RGS6: variants seen among roughly 807,000 people sequenced by gnomAD.
RGS6 encodes the protein regulator of G protein signaling 6, also known as regulator of G-protein signaling 6.
In RGS6, 30 loss-of-function variants were observed where a neutral mutation model predicts 78.5. The ratio of observed to expected loss-of-function variants is 0.38; its 90% CI spans 0.29 to 0.52. The LOEUF (loss-of-function observed/expected upper bound fraction) is 0.52. Ranked by LOEUF, RGS6 falls within the 20% of genes least tolerant of loss-of-function variation. RGS6 has a pLI of 0.85. For missense variants in RGS6, 495 were observed against 609.7 expected (o/e 0.81, Z 1.98); for synonymous variants, 206 against 206.0 (o/e 1.00, Z 0.00).
At chr14:72,220,707 C>G (rs954695660) in intron 2 of RGS6, among the ~76,000 whole-genome samples, 2 of 152,146 alleles carry the variant, frequency 1.3e-5, no homozygotes, top group East Asian at 1.9e-4. Context: ...ATTATTGCCT[C>G]AATGTAGTCT....
chr14:72,610,802 A>G, the RGS6 span, among the ~76,000 whole-genome samples: 1 of 152,170 alleles, frequency 6.6e-6, no homozygotes, highest in African/African-American at 2.4e-5. Flanking sequence ...CTGAGGGCTC[A>G]GGGCCCACCA....
intron 3 of RGS6, among the ~76,000 whole-genome samples, chr14:72,445,977 G>T (rs1479583794): frequency 2.0e-5 from 3 of 152,222 alleles, no homozygotes; most frequent in Middle Eastern, 3.4e-3. Flanking sequence ...GGGAAATTTG[G>T]GCCAGTCATC....
the RGS6 span, among the ~76,000 whole-genome samples, chr14:72,612,206 G>A: frequency 1.1e-4 from 17 of 152,104 alleles, no homozygotes; most frequent in Non-Finnish European, 2.4e-4. Flanking sequence ...TCCCTTTCCT[G>A]GCCAGAGGAG....
chr14:72,233,223 CGAGTTCCCTATCATTG>C (rs1415721328), intron 2 of RGS6, among the ~76,000 whole-genome samples: 4 of 152,130 alleles, frequency 2.6e-5, no homozygotes, highest in Non-Finnish European at 5.9e-5. Context: ...TGTAGAGAAG[CGAGTTCCCTATCATTG>C]GAGGTATCTA....
intron 2 of RGS6, among the ~76,000 whole-genome samples, chr14:72,059,860 C>T (rs1029674765): frequency 6.6e-6 from 1 of 152,180 alleles, no homozygotes; most frequent in African/African-American, 2.4e-5. Context: ...CAGACACTGC[C>T]TGATCTTGAT....
At chr14:71,868,946 G>A in the RGS6 span, among the ~76,000 whole-genome samples, 1 of 152,104 alleles carries the variant, frequency 6.6e-6, no homozygotes, top group African/African-American at 2.4e-5. Context: ...TTTCTTCCAG[G>A]GACAGACTGC....
chr14:72,319,472 C>G (rs1055360864), intron 2 of RGS6, among the ~76,000 whole-genome samples: 6 of 152,094 alleles, frequency 3.9e-5, no homozygotes, highest in African/African-American at 1.4e-4. Context: ...GCCTCAGCCT[C>G]CCAAGTAGCT....
At chr14:72,584,128 G>A in the RGS6 span, among the ~76,000 whole-genome samples, 78 of 152,190 alleles carry the variant, frequency 5.1e-4, no homozygotes, top group Non-Finnish European at 2.6e-4. Context: ...CAGGAAATGT[G>A]GGTGTCAGAT....
the RGS6 span, among the ~76,000 whole-genome samples, chr14:72,602,030 A>G: frequency 1.3e-5 from 2 of 152,332 alleles, no homozygotes; most frequent in African/African-American, 4.8e-5. Flanking sequence ...TATTACTGGG[A>G]GCCTGTTGTG....
intron 1 of RGS6, among the ~76,000 whole-genome samples, chr14:71,949,947 A>G (rs2092112024): frequency 6.6e-6 from 1 of 151,052 alleles, no homozygotes; most frequent in African/African-American, 2.4e-5. Context: ...CATTTCTACT[A>G]CTCTGAAATG....
intron 2 of RGS6, among the ~76,000 whole-genome samples, chr14:72,054,602 T>A (rs902369646): frequency 6.6e-6 from 1 of 152,194 alleles, no homozygotes; most frequent in African/African-American, 2.4e-5. Context: ...CCACGCATGA[T>A]CTCCTTTCAT....
the RGS6 span, among the ~76,000 whole-genome samples, chr14:72,588,580 C>G: frequency 2.6e-5 from 4 of 152,188 alleles, no homozygotes; most frequent in African/African-American, 9.6e-5. Flanking sequence ...ACCCCTTCCC[C>G]CTTCTGAGTA....
intron 2 of RGS6, among the ~76,000 whole-genome samples, chr14:72,112,518 C>T (rs1162843723): frequency 6.6e-6 from 1 of 152,162 alleles, no homozygotes; most frequent in Admixed American, 6.5e-5. Context: ...ATAGAAATCA[C>T]AATGGTCCTC....
intron 3 of RGS6, among the ~76,000 whole-genome samples, chr14:72,359,261 A>G (rs116574454): frequency 7.4e-4 from 113 of 152,106 alleles, no homozygotes; most frequent in African/African-American, 2.7e-3. Flanking sequence ...TAGATCAGAT[A>G]TGGAATGTGA....
the RGS6 span, among the ~76,000 whole-genome samples, chr14:72,586,107 C>T: frequency 1.3e-5 from 2 of 152,228 alleles, no homozygotes; most frequent in Non-Finnish European, 2.9e-5. Flanking sequence ...CTCCCACTGA[C>T]TCCTCTGTCC....
chr14:72,321,719 A>G (rs1388660000), intron 2 of RGS6, among the ~76,000 whole-genome samples: 1 of 152,038 alleles, frequency 6.6e-6, no homozygotes, highest in African/African-American at 2.4e-5. Context: ...CCAAAAAGAT[A>G]AGGAAAAATA....
intron 2 of RGS6, among the ~76,000 whole-genome samples, chr14:72,188,359 C>A (rs2097276315): frequency 6.6e-6 from 1 of 152,188 alleles, no homozygotes; most frequent in Non-Finnish European, 1.5e-5. Flanking sequence ...CTCAGAACCA[C>A]CACAAGTAAT....
chr14:72,193,817 G>A (rs1428134990), intron 2 of RGS6, among the ~76,000 whole-genome samples: 2 of 152,158 alleles, frequency 1.3e-5, no homozygotes, highest in Non-Finnish European at 2.9e-5. Context: ...CCAAGGCAAA[G>A]TGACTATCCA....
At chr14:72,093,215 T>A (rs949579566) in intron 2 of RGS6, among the ~76,000 whole-genome samples, 3 of 152,196 alleles carry the variant, frequency 2.0e-5, no homozygotes, top group African/African-American at 7.2e-5. Context: ...CAGGCATGTT[T>A]TGAAACGACT....
Sources: allele counts gnomAD v4.1 joint callset (sites outside exome capture counted in the v4.1 genomes callset), GRCh38; gene constraint gnomAD v4.1.1; transcripts MANE v1.5; gene names NCBI Gene and HGNC (gene_info 2026-07-23, HGNC 2026-07-21).